GTPBP1: variants seen among roughly 807,000 people sequenced by gnomAD.
GTPBP1 encodes GTP-binding protein 1.
In GTPBP1, 23 loss-of-function variants were observed where a neutral mutation model predicts 62.0. The ratio of observed to expected loss-of-function variants is 0.37; its 90% confidence interval spans 0.27 to 0.53. The LOEUF is 0.53. Among genes scored for constraint, GTPBP1 ranks in the 20% least tolerant of loss-of-function variants. The probability of loss-of-function intolerance (pLI) is 0.89; values close to 1 mark genes in which losing one functional copy is unlikely to be tolerated. For synonymous variants in GTPBP1, 344 were observed against 364.4 expected, an observed-to-expected ratio of 0.94 and a Z score of 0.64; for missense variants, 640 against 917.3, an observed-to-expected ratio of 0.70 and a Z score of 3.90.
chr22:38,738,966 T>C (rs753471643), downstream of GTPBP1: 2 of 1,612,648 alleles, frequency 1.2e-6, no homozygotes, highest in African/African-American at 1.3e-5. The surrounding 1 kb of genome is among the most constrained non-coding windows in gnomAD (Gnocchi z 6.6). Context: ...TCTCAGAACA[T>C]CGGGTGCTGA....
downstream of GTPBP1, chr22:38,742,289 T>C: frequency 6.3e-7 from 1 of 1,586,436 alleles, no homozygotes; most frequent in Non-Finnish European, 8.6e-7. Flanking sequence ...CCTGAGGTAT[T>C]CCACCTCCTA....
downstream of GTPBP1, chr22:38,735,922 C>T: frequency 4.6e-6 from 1 of 217,232 alleles, no homozygotes; most frequent in Middle Eastern, 4.6e-4. Flanking sequence ...GCACCTGCTT[C>T]ATCAGCTCCC....
chr22:38,719,405 T>A (rs1221704826), intron 4 of GTPBP1, among the ~76,000 whole-genome samples: 1 of 152,160 alleles, frequency 6.6e-6, no homozygotes, highest in African/African-American at 2.4e-5. Flanking sequence ...ACTCCTGGGC[T>A]CAAGGGATCC....
chr22:38,740,277 A>C, downstream of GTPBP1: 2 of 1,592,852 alleles, frequency 1.3e-6, no homozygotes, highest in Middle Eastern at 2.1e-4. The surrounding 1 kb of genome is among the most constrained non-coding windows in gnomAD (Gnocchi z 4.8). Flanking sequence ...GTCGTCCCGC[A>C]CGGCCTGGAT....
Position 38,726,587 on chromosome 22 carries a change from C to A in GTPBP1, c.1401+147C>A. 1 of 700,150 alleles carries A rather than the reference C, an allele frequency of 1.4e-6. No homozygotes were observed. The highest frequency in any genetic ancestry group is 2.4e-6 in the Non-Finnish European group (1 of 417,326). The allele number at this position is 700,150 out of a possible 1,614,324, so 43.4% of individuals were successfully genotyped here. On this transcript the variant is annotated intron_variant, in intron 8 of 11. Coordinates refer to ENST00000216044, the MANE Select transcript of GTPBP1 (RefSeq NM_004286.5). The surrounding 1 kb of genome is among the most constrained non-coding windows in gnomAD (Gnocchi z 4.1). ...ATTTTTACAGATGAGGAAACTGAGG[C>A]TCAGAGCCCAGGGACTTGCCCAAGA...
chr22:38,723,123 C>A, intron 5 of GTPBP1: 3 of 781,696 alleles, frequency 3.8e-6, no homozygotes, highest in Non-Finnish European at 4.7e-6. Flanking sequence ...ACCACAACTT[C>A]ACAGTTCACA....
chr22:38,737,359 C>G (rs1219499001), downstream of GTPBP1, among the ~76,000 whole-genome samples: 2 of 152,104 alleles, frequency 1.3e-5, no homozygotes, highest in Admixed American at 1.3e-4. The surrounding 1 kb of genome is among the most constrained non-coding windows in gnomAD (Gnocchi z 4.1). Flanking sequence ...CATTCACGAC[C>G]CTCCCTGCTA....
Position 38,727,079 on chromosome 22 carries a change from TG to T in GTPBP1, c.1402-132del. 1 of 784,100 alleles carries T rather than the reference TG, an allele frequency of 1.3e-6. No homozygotes were observed. Among genetic ancestry groups the T allele is most frequent in the Non-Finnish European group, 2.0e-6 (1 of 504,122 alleles). The allele number at this position is 784,100 out of a possible 1,614,324, so 48.6% of individuals were successfully genotyped here. A position where few individuals can be genotyped will look rare whatever the true frequency, so the allele number is the denominator to read the frequency against. On this transcript the variant is annotated intron_variant, in intron 8 of 11. Transcript: ENST00000216044. The surrounding 1 kb of genome is among the most constrained non-coding windows in gnomAD (Gnocchi z 6.5). ...CGTGCTGTCCACCCTAGAAGGCCTG[TG>T]GTCCAGTTGGTGAGGAAACCAGGCA... is the stretch of plus-strand genomic sequence containing the variant.
rs2092603207 is a variant in GTPBP1 at position 38,706,206 on chromosome 22, C to T, written c.192+59C>T. The T allele has an allele frequency of 3.6e-6, 4 of 1,104,964 alleles. No homozygotes were observed. In the East Asian group the frequency reaches 1.0e-4, roughly 28 times the overall value. The allele number at this position is 1,104,964 out of a possible 1,614,324, so 68.4% of individuals were successfully genotyped here. On this transcript the variant is annotated intron_variant, in intron 1 of 11. Coordinates refer to ENST00000216044, the MANE Select transcript of GTPBP1 (RefSeq NM_004286.5). ...GAGCGGGCGGCTGGCCGAGCAGTCT[C>T]CCGGGCGACGGCGGGGCCAGCGGCC...
At chr22:38,740,765 A>T, downstream of GTPBP1, 1 of 597,490 alleles carries the variant, frequency 1.7e-6, no homozygotes, top group East Asian at 2.8e-5. The surrounding 1 kb of genome is among the most constrained non-coding windows in gnomAD (Gnocchi z 4.8). Flanking sequence ...GTGTCTATAA[A>T]TGAATCCCGG....
At chr22:38,719,404 C>T (rs2145861663) in intron 4 of GTPBP1, among the ~76,000 whole-genome samples, 1 of 152,230 alleles carries the variant, frequency 6.6e-6, no homozygotes, top group African/African-American at 2.4e-5. Context: ...AACTCCTGGG[C>T]TCAAGGGATC....
At chr22:38,722,769 T>C (rs2092707086) in intron 5 of GTPBP1, 1 of 1,603,498 alleles carries the variant, frequency 6.2e-7, no homozygotes, top group East Asian at 2.2e-5. Flanking sequence ...AAAGTACTCT[T>C]TGGAAGCAGC....
At chr22:38,735,016 AG>A, downstream of GTPBP1, 1 of 294,434 alleles carries the variant, frequency 3.4e-6, no homozygotes, top group Non-Finnish European at 6.7e-6. Context: ...CTCCACGGCC[AG>A]GAACAAGAAA....
Position 38,728,583 on chromosome 22 carries a change from ACTTGCCCACTGCAGAC to A in GTPBP1, c.1716+430_1716+445del, listed in dbSNP as rs538192794. On this transcript the variant is annotated intron_variant, in intron 10 of 11. Transcript: ENST00000216044. ...CTTAAGCTGTTGGTGTATCCTGGAC[ACTTGCCCACTGCAGAC>A]CTTGCCCCTGGTCTTGGAGGGGCAT... 4 of 195,264 alleles carry A rather than the reference ACTTGCCCACTGCAGAC, an allele frequency of 2.0e-5. No homozygotes were observed. In the South Asian group the frequency reaches 4.1e-4, roughly 20 times the overall value. The allele number at this position is 195,264 out of a possible 1,614,324, so 12.1% of individuals were successfully genotyped here.
intron 5 of GTPBP1, chr22:38,723,330 A>G: frequency 1.2e-6 from 1 of 828,212 alleles, no homozygotes; most frequent in Non-Finnish European, 2.1e-6. Context: ...GCATGGTATG[A>G]GGAGCTGGTG....
chr22:38,714,667 G>C (rs1049946619), intron 2 of GTPBP1, among the ~76,000 whole-genome samples: 1 of 152,116 alleles, frequency 6.6e-6, no homozygotes, highest in African/African-American at 2.4e-5. Flanking sequence ...GGCAAGGGAA[G>C]GGGGGTGGTT....
At chr22:38,733,687 C>T (rs2092776560), downstream of GTPBP1, 1 of 152,450 alleles carries the variant, frequency 6.6e-6, no homozygotes. Context: ...AGACCCCTGA[C>T]TCCACAGTCA....
At chr22:38,707,726 T>G (rs551684090) in intron 1 of GTPBP1, among the ~76,000 whole-genome samples, 1 of 152,346 alleles carries the variant, frequency 6.6e-6, no homozygotes, top group East Asian at 1.9e-4. Context: ...TCATTTAATA[T>G]TCCTAGAAGT....
rs533511213 is a variant in GTPBP1 at position 38,731,564 on chromosome 22, C to A, written c.*860C>A. On this transcript the variant is annotated 3_prime_UTR_variant, in exon 12 of 12. Coordinates refer to ENST00000216044, the MANE Select transcript of GTPBP1 (RefSeq NM_004286.5). ...CGGCCCTGGCTGCCCTCAGCTTTCG[C>A]TGATCTGCCCGGCCTGGAGCCTCCC... 7.2e-5 allele frequency: 11 copies of A among 152,944 alleles called. No homozygotes were observed. The highest frequency in any genetic ancestry group is 2.6e-4 in the African/African-American group (11 of 41,594). 9.5% of individuals were successfully genotyped at this position (152,944 alleles called of 1,614,324 possible). A position where few individuals can be genotyped will look rare whatever the true frequency, so the allele number is the denominator to read the frequency against.
Sources: allele counts gnomAD v4.1 joint callset (sites outside exome capture counted in the v4.1 genomes callset), GRCh38; gene constraint gnomAD v4.1.1; non-coding constraint Gnocchi (gnomAD v3.1); transcripts MANE v1.5; gene names NCBI Gene and HGNC (gene_info 2026-07-23, HGNC 2026-07-21).